The following NACC2 variants were observed in gnomAD, a reference collection of about 807,000 sequenced individuals.
NACC2 encodes the protein NACC family member 2.
In NACC2, 8 loss-of-function variants were observed where a neutral mutation model predicts 25.1. That is an observed-to-expected ratio of 0.32 (90% CI 0.19 to 0.57). The LOEUF (loss-of-function observed/expected upper bound fraction) is 0.57. Ranked by LOEUF, NACC2 falls within the 20% of genes least tolerant of loss-of-function variation. NACC2 has a pLI of 0.89. For synonymous variants in NACC2, 435 were observed against 294.7 expected (o/e 1.48, Z -4.88); for missense variants, 644 against 650.2 (o/e 0.99, Z 0.10).
intron 2 of NACC2, among the ~76,000 whole-genome samples, chr9:136,048,745 G>A (rs1301951474): frequency 6.6e-6 from 1 of 152,232 alleles, no homozygotes; most frequent in Non-Finnish European, 1.5e-5. Context: ...GTCCAAGCTG[G>A]TGGGTGGTCC....
At chr9:136,075,353 GC>G (rs1167761032) in intron 1 of NACC2, among the ~76,000 whole-genome samples, 2 of 152,220 alleles carry the variant, frequency 1.3e-5, no homozygotes, top group African/African-American at 4.8e-5. Context: ...CTCCCCCGAG[GC>G]TGGCTGCTGC....
intron 1 of NACC2, among the ~76,000 whole-genome samples, chr9:136,061,484 C>T (rs897454737): frequency 6.6e-5 from 10 of 152,174 alleles, no homozygotes; most frequent in Admixed American, 1.3e-4. Context: ...GGCATTTGGC[C>T]GCAGGAAGGG....
At chr9:136,026,543 T>G (rs1052519736) in intron 2 of NACC2, among the ~76,000 whole-genome samples, 3 of 151,682 alleles carry the variant, frequency 2.0e-5, no homozygotes, top group Non-Finnish European at 4.4e-5. Flanking sequence ...TGGAGCCGCA[T>G]CAAAAGGAAA....
intron 2 of NACC2, among the ~76,000 whole-genome samples, chr9:136,017,409 C>G (rs2131135540): frequency 6.6e-6 from 1 of 152,296 alleles, no homozygotes; most frequent in Admixed American, 6.5e-5. Flanking sequence ...CTGACGACCA[C>G]CTGCTGGACA....
At chr9:136,014,075 G>A (rs1256417036) in intron 3 of NACC2, 106 bp from the exon 4 acceptor site, 3 of 719,376 alleles carry the variant, frequency 4.2e-6, no homozygotes, top group African/African-American at 3.6e-5. Context: ...GGGGGAGGAG[G>A]AGCTGGAAGC....
intron 2 of NACC2, among the ~76,000 whole-genome samples, chr9:136,024,671 G>T (rs771765524): frequency 2.0e-5 from 3 of 152,140 alleles, no homozygotes; most frequent in Non-Finnish European, 1.5e-5. Flanking sequence ...ACACACATTA[G>T]CTATGCAAAA....
At chr9:136,074,311 G>C (rs1444236340) in intron 1 of NACC2, among the ~76,000 whole-genome samples, 2 of 148,186 alleles carry the variant, frequency 1.3e-5, no homozygotes, top group African/African-American at 2.5e-5. Flanking sequence ...AAATTAGCCG[G>C]GCATGGTGGT....
At chr9:136,067,838 C>T (rs1405011833) in intron 1 of NACC2, among the ~76,000 whole-genome samples, 2 of 152,194 alleles carry the variant, frequency 1.3e-5, no homozygotes, top group Non-Finnish European at 2.9e-5. Context: ...ATCTCAAAAA[C>T]ACAGAAACAA....
intron 1 of NACC2, among the ~76,000 whole-genome samples, chr9:136,053,890 C>G (rs1255581519): frequency 2.0e-5 from 3 of 151,250 alleles, no homozygotes; most frequent in Admixed American, 6.5e-5. Flanking sequence ...AGGGCTGACA[C>G]AGACAGCAAG....
At chr9:136,033,293 T>C (rs935528487) in intron 2 of NACC2, among the ~76,000 whole-genome samples, 6 of 152,076 alleles carry the variant, frequency 3.9e-5, no homozygotes, top group East Asian at 1.9e-4. Flanking sequence ...TTTGTTTCTA[T>C]ATATTAGTAA....
At chr9:136,051,265 T>G (rs941833436) in intron 1 of NACC2, among the ~76,000 whole-genome samples, 2 of 152,038 alleles carry the variant, frequency 1.3e-5, no homozygotes, top group African/African-American at 4.8e-5. Context: ...CGCTCCGTTC[T>G]CCCGTGCTCT....
chr9:136,015,674 G>A (rs1379065390), intron 3 of NACC2, among the ~76,000 whole-genome samples: 2 of 152,232 alleles, frequency 1.3e-5, no homozygotes, highest in Non-Finnish European at 2.9e-5. Flanking sequence ...TGGAAAACCG[G>A]GAAGAAATCC....
chr9:136,046,102 A>C (rs1840720165), intron 2 of NACC2, among the ~76,000 whole-genome samples: 2 of 152,304 alleles, frequency 1.3e-5, no homozygotes, highest in East Asian at 3.9e-4. Context: ...AGCACCACCA[A>C]GTCCCAAGGC....
chr9:136,057,599 C>T (rs906464963), intron 1 of NACC2, among the ~76,000 whole-genome samples: 10 of 152,100 alleles, frequency 6.6e-5, no homozygotes, highest in African/African-American at 1.9e-4. Context: ...GCGTCTCCCT[C>T]GGGCATAGTT....
chr9:136,076,422 C>T (rs1206889046), intron 1 of NACC2, among the ~76,000 whole-genome samples: 1 of 152,148 alleles, frequency 6.6e-6, no homozygotes, highest in Non-Finnish European at 1.5e-5. Flanking sequence ...AGACACTATG[C>T]CGAGTGAAAG....
chr9:136,081,462 G>C (rs796716647), intron 1 of NACC2, among the ~76,000 whole-genome samples: 13 of 152,362 alleles, frequency 8.5e-5, no homozygotes, highest in African/African-American at 2.4e-4. Flanking sequence ...CTCTGAGCGC[G>C]GGGTGCCCAG....
intron 2 of NACC2, among the ~76,000 whole-genome samples, chr9:136,023,395 C>T (rs927253294): frequency 3.3e-5 from 5 of 152,118 alleles, no homozygotes; most frequent in Non-Finnish European, 5.9e-5. Flanking sequence ...GAGTGGGACC[C>T]TCTGGGCTTC....
Position 136,050,150 on chromosome 9 carries a change from G to A in NACC2, c.372C>T (p.Ser124=), listed in dbSNP as rs1229010131. The A allele has an allele frequency of 2.6e-6, 2 of 767,674 alleles. No individual in the cohort carries two copies. The highest frequency in any genetic ancestry group is 1.7e-5 in the African/African-American group (1 of 59,000). The allele number at this position is 767,674 out of a possible 1,614,324, so 47.6% of individuals were successfully genotyped here. Reference sequence around the variant, plus strand: ...CGGTCTGCGAGTCGCAGTGGGGCGAGCTCACCTTGAACATGAGGTCGGTGC... The same window carrying A: ...CGGTCTGCGAGTCGCAGTGGGGCGAACTCACCTTGAACATGAGGTCGGTGC... ...ERGTDLMFKV[S]SPHCDSQTAV... The change falls in exon 2 of 6, where the codon AGC becomes AGT. Residue 124 remains serine (S), a synonymous_variant. Transcript: ENST00000277554.
At chr9:136,048,766 T>C (rs2131161071) in intron 2 of NACC2, among the ~76,000 whole-genome samples, 1 of 152,316 alleles carries the variant, frequency 6.6e-6, no homozygotes, top group Admixed American at 6.5e-5. Context: ...TGGCCCCCTC[T>C]GCCCCCAACC....
Sources: gnomAD v4.1 joint callset for allele counts (sites outside exome capture counted in the v4.1 genomes callset) on GRCh38, gnomAD v4.1.1 for gene constraint, MANE v1.5 for transcripts, NCBI Gene and HGNC (gene_info 2026-07-23, HGNC 2026-07-21) for gene names.